TMC6: variants seen among roughly 807,000 people sequenced by gnomAD.
TMC6 encodes the protein transmembrane channel like 6.
Under a neutral mutation model 95.4 loss-of-function variants are expected in TMC6, and 71 were observed. The ratio of observed to expected loss-of-function variants is 0.74; its 90% confidence interval spans 0.61 to 0.91. The LOEUF (loss-of-function observed/expected upper bound fraction) is 0.91. Among genes scored for constraint, TMC6 ranks in the 40% least tolerant of loss-of-function variants. The pLI is 0.00. For synonymous variants in TMC6, 514 were observed against 483.1 expected, an observed-to-expected ratio of 1.06 and a Z score of -0.84; for missense variants, 1,074 against 1,079.1, an observed-to-expected ratio of 1.00 and a Z score of 0.07.
At chr17:78,115,393 A>G (rs1260470360) in intron 18 of TMC6, among the ~76,000 whole-genome samples, 1 of 152,174 alleles carries the variant, frequency 6.6e-6, no homozygotes. Flanking sequence ...GAAAACCTGC[A>G]GGAGGACAAA....
At chr17:78,131,706 C>T, upstream of TMC6, 1 of 1,582,882 alleles carries the variant, frequency 6.3e-7, no homozygotes, top group East Asian at 2.3e-5. Context: ...GCGCGGGCTG[C>T]CCTATGCCAT....
At position 78,112,875 on chromosome 17, in the gene TMC6, A is replaced by C. The variant is rs1318848414; in HGVS notation, c.*273T>G. The C allele has an allele frequency of 2.0e-6, 1 of 504,720 alleles. No homozygotes were observed. Among genetic ancestry groups the C allele is most frequent in the African/African-American group, 2.0e-5 (1 of 50,094 alleles). The allele number at this position is 504,720 out of a possible 1,614,324, so 31.3% of individuals were successfully genotyped here. ...AGGTGGCCCCAGGGCAGCGGGAAGC[A>C]GGCCCCGGGTGTGGTCACAGACACA... On this transcript the variant is annotated 3_prime_UTR_variant, in exon 20 of 20. Coordinates refer to ENST00000590602, the MANE Select transcript of TMC6 (RefSeq NM_001127198.5).
rs377355261 is a variant in TMC6, at chr17:78,113,731, A to G, written c.2278-107T>C. 24 of 1,144,484 alleles carry G rather than the reference A, an allele frequency of 2.1e-5. No homozygotes were observed. The East Asian group carries it at 2.1e-4, about 10-fold the overall frequency. 70.9% of individuals were successfully genotyped at this position (1,144,484 alleles called of 1,614,324 possible). A position where few individuals can be genotyped will look rare whatever the true frequency, so the allele number is the denominator to read the frequency against. Reference sequence around the variant, plus strand: ...GGAAAACTCACGAGGTGTATTCAACATCGCAAGCAGCAAAAACATAAAAGA... The same window carrying G: ...GGAAAACTCACGAGGTGTATTCAACGTCGCAAGCAGCAAAAACATAAAAGA... On this transcript the variant is annotated intron_variant, in intron 18 of 19. Coordinates refer to ENST00000590602, the MANE Select transcript of TMC6 (RefSeq NM_001127198.5).
Position 78,113,142 on chromosome 17 carries a change from G to A in TMC6, c.*6C>T, listed in dbSNP as rs372260945. Reference sequence around the variant, plus strand: ...GGGCGGGCCCGTGAGGCCCATCGCCGTCCCCCTAGGCATCCTGTTCATCTG... The same window carrying A: ...GGGCGGGCCCGTGAGGCCCATCGCCATCCCCCTAGGCATCCTGTTCATCTG... On this transcript the variant is annotated 3_prime_UTR_variant, in exon 20 of 20. Coordinates refer to ENST00000590602, the MANE Select transcript of TMC6 (RefSeq NM_001127198.5). The A allele has an allele frequency of 1.0e-4, 158 of 1,552,792 alleles. No individual in the cohort carries two copies. The African/African-American group carries it at 1.5e-3, about 15-fold the overall frequency.
At chr17:78,130,599 C>T (rs1271779053), upstream of TMC6, 3 of 152,316 alleles carry the variant, frequency 2.0e-5, no homozygotes, top group African/African-American at 4.8e-5. Flanking sequence ...GCACAGAGCT[C>T]CCTGGGAGGC....
chr17:78,132,088 T>C (rs1044443568), upstream of TMC6: 2 of 1,533,888 alleles, frequency 1.3e-6, no homozygotes, highest in Non-Finnish European at 1.7e-6. Context: ...ACTGCCCAGA[T>C]CGGAAAAAGG....
chr17:78,119,928 G>A (rs369414100), intron 13 of TMC6: 63 of 323,038 alleles, frequency 2.0e-4, no homozygotes, highest in East Asian at 1.9e-3. Context: ...GATTACAGGC[G>A]TGAGCCACCA....
chr17:78,118,658 C>T lies in TMC6; in HGVS notation c.1887+313G>A, dbSNP rs115142672. Among the ~76,000 whole-genome samples the T allele has an allele frequency of 6.0e-4, 91 of 152,358 alleles. 1 individual carries two copies. Among genetic ancestry groups the T allele is most frequent in the African/African-American group, 2.0e-3 (83 of 41,590 alleles). ...AGTTGCGGAGAGAGGCCCAGCATCACTTTTCCAGGGACCCAGAGGTCCCAA... is the reference window on the plus strand; with the variant it reads ...AGTTGCGGAGAGAGGCCCAGCATCATTTTTCCAGGGACCCAGAGGTCCCAA... On this transcript the variant is annotated intron_variant, in intron 15 of 19. Coordinates refer to ENST00000590602, the MANE Select transcript of TMC6 (RefSeq NM_001127198.5).
At chr17:78,127,670 T>C (rs1370130903) in intron 1 of TMC6, among the ~76,000 whole-genome samples, 1 of 152,026 alleles carries the variant, frequency 6.6e-6, no homozygotes, top group Non-Finnish European at 1.5e-5. Flanking sequence ...CACCAGCGAG[T>C]CCTGCCGGCC....
intron 18 of TMC6, among the ~76,000 whole-genome samples, chr17:78,115,965 G>A (rs1016949604): frequency 2.6e-5 from 4 of 151,870 alleles, no homozygotes; most frequent in Admixed American, 6.6e-5. Context: ...ACTCCTGGGG[G>A]CTGCCTCTCC....
chr17:78,124,625 G>A lies in TMC6; in HGVS notation c.790C>T (p.Leu264=), dbSNP rs1450351053. The stretch of plus-strand genomic sequence containing the variant: ...CCCATGATGAAGGCCACCAGCAGCA[G>A]CAGCAGGAGGGCATTGAAAGCCAGC... ...TLLAFNALLL[L]LLVAFIMGPQ... is the part of the protein sequence containing the mutation. Residue 264 remains leucine, a synonymous_variant, in exon 8 of 20, where the codon CTG becomes TTG. Transcript: ENST00000590602. 1.2e-6 allele frequency: 2 copies of A among 1,612,308 alleles called. No homozygotes were observed. The highest frequency in any genetic ancestry group is 1.3e-5 in the African/African-American group (1 of 74,918).
rs371986677 is a variant in TMC6 at position 78,121,552 on chromosome 17, G to A, written c.1383+4C>T. Reference sequence around the variant, plus strand: ...CAAGGGCCAGGCTCCCCCCATCCCCGCACCTGGATCATGAACTCCGAGAAG... The same window carrying A: ...CAAGGGCCAGGCTCCCCCCATCCCCACACCTGGATCATGAACTCCGAGAAG... On this transcript the variant is annotated splice_donor_region_variant and intron_variant, in intron 11 of 19. Coordinates refer to ENST00000590602, the MANE Select transcript of TMC6 (RefSeq NM_001127198.5). The surrounding 1 kb of genome is among the most constrained non-coding windows in gnomAD (Gnocchi z 5.6). The A allele has an allele frequency of 3.6e-5, 58 of 1,610,876 alleles. No individual in the cohort carries two copies. Among genetic ancestry groups the A allele is most frequent in the South Asian group, 1.1e-4 (10 of 91,000 alleles).
intron 1 of TMC6, among the ~76,000 whole-genome samples, chr17:78,127,907 G>T (rs565967465): frequency 6.6e-6 from 1 of 152,336 alleles, no homozygotes; most frequent in African/African-American, 2.4e-5. Context: ...GAGCAAAGAC[G>T]TGGGAAAACC....
chr17:78,109,424 G>C lies in TMC6; in HGVS notation c.*3724C>G. On this transcript the variant is annotated 3_prime_UTR_variant, in exon 20 of 20. Coordinates refer to ENST00000590602, the MANE Select transcript of TMC6 (RefSeq NM_001127198.5). ...CTGCATATCAGTGCTTCTCGGCGGA[G>C]CTGTGGCTGATGGGCTCCTGGTGCA... 2.2e-6 allele frequency: 1 copy of C among 456,612 alleles called. No homozygotes were observed. The highest frequency in any genetic ancestry group is 4.4e-6 in the Non-Finnish European group (1 of 226,926). 28.3% of individuals were successfully genotyped at this position (456,612 alleles called of 1,614,324 possible).
chr17:78,119,648 T>G, intron 13 of TMC6: 2 of 539,432 alleles, frequency 3.7e-6, no homozygotes, highest in South Asian at 1.9e-5. Flanking sequence ...GATTTTTTCT[T>G]TTTTGAAACA....
chr17:78,125,229 G>C lies in TMC6; in HGVS notation c.465C>G (p.Ser155Arg), dbSNP rs753022224. Reference sequence around the variant, plus strand: ...TGTGGTCCCGCTGTGCCACTGCCAGGCTCTGGAGCTCCTTCACCAGGAGGC... The same window carrying C: ...TGTGGTCCCGCTGTGCCACTGCCAGCCTCTGGAGCTCCTTCACCAGGAGGC... ...KQSLLVKELQ[S>R]LAVAQRDHML... Residue 155 changes from serine to arginine, a missense_variant, in exon 6 of 20, where the codon AGC (serine) becomes AGG (arginine). Transcript: ENST00000590602. 2.5e-6 allele frequency: 4 copies of C among 1,587,852 alleles called. No homozygotes were observed. The highest frequency in any genetic ancestry group is 3.4e-6 in the Non-Finnish European group (4 of 1,166,478).
rs887724281 is a variant in TMC6 at position 78,108,040 on chromosome 17, C to T, written c.*5108G>A. 1.3e-5 allele frequency: 2 copies of T among 152,224 alleles called. No individual in the cohort carries two copies. Among genetic ancestry groups the T allele is most frequent in the African/African-American group, 2.4e-5 (1 of 41,452 alleles). 9.4% of individuals were successfully genotyped at this position (152,224 alleles called of 1,614,324 possible). The stretch of plus-strand genomic sequence containing the variant: ...TTGAGTCCCTTCCTAGGACACTGGC[C>T]GTGGCCTTCAGGGTGACCAGTCAGT... On this transcript the variant is annotated 3_prime_UTR_variant, in exon 20 of 20. Coordinates refer to ENST00000590602, the MANE Select transcript of TMC6 (RefSeq NM_001127198.5).
Position 78,122,883 on chromosome 17 carries a change from T to C in TMC6, c.1083-134A>G. On this transcript the variant is annotated intron_variant, in intron 9 of 19. Coordinates refer to ENST00000590602, the MANE Select transcript of TMC6 (RefSeq NM_001127198.5). This position sits in a 1 kb window ranked among gnomAD's most constrained non-coding sequence, Gnocchi z 4.9. ...GAGCCATCTGGGCCCTGACTGGGCC[T>C]CCTGCCACACCCCTGCCCCACCACC... 8.0e-7 allele frequency: 1 copy of C among 1,251,940 alleles called. No individual in the cohort carries two copies. The allele number at this position is 1,251,940 out of a possible 1,614,324, so 77.6% of individuals were successfully genotyped here.
chr17:78,131,785 G>A, upstream of TMC6: 1 of 1,547,416 alleles, frequency 6.5e-7, no homozygotes, highest in Non-Finnish European at 8.7e-7. Flanking sequence ...GGTGCTGCGA[G>A]GCTGCCCCGT....
Sources: allele counts gnomAD v4.1 joint callset (sites outside exome capture counted in the v4.1 genomes callset), GRCh38; gene constraint gnomAD v4.1.1; non-coding constraint Gnocchi (gnomAD v3.1); transcripts MANE v1.5; gene names NCBI Gene and HGNC (gene_info 2026-07-23, HGNC 2026-07-21).